STAG2: variants seen among roughly 807,000 people sequenced by gnomAD.
The protein encoded by STAG2 is cohesin subunit SA-2.
STAG2 carries 14 observed loss-of-function variants against 108.1 expected under a neutral mutation model. The observed-to-expected ratio is 0.13, with a 90% CI of 0.09 to 0.20. The LOEUF (loss-of-function observed/expected upper bound fraction) is 0.20, where lower values mean the gene tolerates loss of function less well. Ranked by LOEUF, STAG2 falls within the 10% of genes least tolerant of loss-of-function variation. The pLI is 1.00. For synonymous variants in STAG2, 307 were observed against 302.7 expected (o/e 1.01, Z -0.15); for missense variants, 440 against 940.9 (o/e 0.47, Z 6.96).
intron 14 of STAG2, 108 bp downstream of exon 14, chrX:124,056,343 TTAC>T (rs1210870552): frequency 5.3e-6 from 2 of 376,660 alleles, no homozygotes; most frequent in African/African-American, 5.3e-5. Context: ...ATTTTAAAAA[TTAC>T]TACAGATCAT....
At chrX:124,073,698 C>T (rs995593781) in intron 25 of STAG2, among the ~76,000 whole-genome samples, 2 of 111,402 alleles carry the variant, frequency 1.8e-5, no homozygotes, top group African/African-American at 6.5e-5. Context: ...GCTGGGATTA[C>T]AGATGTGAGC....
intron 1 of STAG2, among the ~76,000 whole-genome samples, chrX:123,986,117 CTA>C (rs766736654): frequency 9.7e-6 from 1 of 103,611 alleles, no homozygotes; most frequent in African/African-American, 3.5e-5. Context: ...ATGCATGTAT[CTA>C]TATATACATA....
In STAG2 at chrX:124,045,442, G is replaced by A. The variant is rs974513041; in HGVS notation, c.667+74G>A. 7 of 898,414 alleles carry A rather than the reference G, an allele frequency of 7.8e-6. No individual in the cohort carries two copies. In the African/African-American group the frequency reaches 1.4e-4, roughly 18 times the overall value. 74.0% of individuals were successfully genotyped at this position (898,414 alleles called of 1,213,427 possible). ...AAAAGATTCTCATTTAAAGAGAAAG[G>A]AAATAACAGAGATACAAATTAATTT... On this transcript the variant is annotated intron_variant, in intron 8 of 34. Coordinates refer to ENST00000371145, the MANE Select transcript of STAG2 (RefSeq NM_001042750.2).
chrX:124,053,506 T>C (rs2058102468), intron 13 of STAG2, among the ~76,000 whole-genome samples: 1 of 111,206 alleles, frequency 9.0e-6, no homozygotes, highest in Non-Finnish European at 1.9e-5. Context: ...TATGGAAAAT[T>C]TATCATGTAA....
intron 1 of STAG2, among the ~76,000 whole-genome samples, chrX:123,993,059 C>T (rs899724690): frequency 4.8e-4 from 53 of 111,310 alleles, no homozygotes; most frequent in African/African-American, 1.6e-3. Flanking sequence ...AATATAAGTG[C>T]CTAAAAATGA....
chrX:124,066,009 G>A, intron 21 of STAG2, 63 bp downstream of exon 21: 1 of 1,029,493 alleles, frequency 9.7e-7, no homozygotes, highest in Non-Finnish European at 1.3e-6. Context: ...CATGTTTTGT[G>A]GGTTATGTTA....
chrX:124,067,475 C>T (rs2058566302), intron 23 of STAG2, among the ~76,000 whole-genome samples: 1 of 110,600 alleles, frequency 9.0e-6, no homozygotes, highest in Non-Finnish European at 1.9e-5. Flanking sequence ...ACCATGTTGA[C>T]CAGGCTTGTG....
At chrX:124,003,262 C>T (rs774112352) in intron 1 of STAG2, among the ~76,000 whole-genome samples, 38 of 110,737 alleles carry the variant, frequency 3.4e-4, no homozygotes, top group African/African-American at 1.2e-3. Context: ...CCACCGAGTC[C>T]AGCCCACACC....
At position 124,037,521 on chromosome X, in the gene STAG2, C is replaced by T; in HGVS notation, c.289-6C>T. The T allele has an allele frequency of 1.8e-6, 2 of 1,137,228 alleles. No individual in the cohort carries two copies. The highest frequency in any genetic ancestry group is 2.4e-6 in the Non-Finnish European group (2 of 848,697). The allele number at this position is 1,137,228 out of a possible 1,213,427, so 93.7% of individuals were successfully genotyped here. ...TAATGATTTTATTTTTTTCCCTCTG[C>T]TGTAGTCGGTGGTAGATGATTGGAT... On this transcript the variant is annotated splice_polypyrimidine_tract_variant and splice_region_variant and intron_variant, in intron 5 of 34. Transcript: ENST00000371145.
At chrX:124,015,937 A>C (rs1051022050) in intron 1 of STAG2, among the ~76,000 whole-genome samples, 1 of 111,493 alleles carries the variant, frequency 9.0e-6, no homozygotes, top group Non-Finnish European at 1.9e-5. Flanking sequence ...CAATAAAAGG[A>C]ACATACCTTT....
At chrX:124,098,561 G>C (rs557449638) in intron 34 of STAG2, among the ~76,000 whole-genome samples, 3 of 110,870 alleles carry the variant, frequency 2.7e-5, no homozygotes, top group African/African-American at 6.5e-5. Flanking sequence ...AGCAAAATTG[G>C]GATTTAAATT....
At chrX:124,067,279 A>T (rs761484443) in intron 23 of STAG2, among the ~76,000 whole-genome samples, 1 of 13,948 alleles carries the variant, frequency 7.2e-5, no homozygotes. Flanking sequence ...CCCCACCCCC[A>T]CCACCTTCTG....
chrX:124,021,267 T>C (rs970115615), intron 1 of STAG2, 100 bp from the exon 2 acceptor site: 3 of 112,176 alleles, frequency 2.7e-5, no homozygotes, highest in Admixed American at 9.5e-5. Context: ...TTGTGTGATA[T>C]CTAACCTACT....
At chrX:123,993,263 C>T (rs866965043) in intron 1 of STAG2, among the ~76,000 whole-genome samples, 2 of 110,725 alleles carry the variant, frequency 1.8e-5, no homozygotes, top group African/African-American at 6.6e-5. Flanking sequence ...GCCTGGGCAA[C>T]TTGGTGAGAC....
chrX:123,992,427 C>CT (rs1334321276), intron 1 of STAG2, among the ~76,000 whole-genome samples: 20 of 109,727 alleles, frequency 1.8e-4, no homozygotes, highest in Non-Finnish European at 2.5e-4. Flanking sequence ...TTAAATTTTA[C>CT]TTTTTTTTTA....
At position 124,045,269 on chromosome X, in the gene STAG2, A is replaced by G; in HGVS notation, c.568A>G (p.Ile190Val). 2 of 1,209,042 alleles carry G rather than the reference A, an allele frequency of 1.7e-6. No homozygotes were observed. Among genetic ancestry groups the G allele is most frequent in the Non-Finnish European group, 2.2e-6 (2 of 893,493 alleles). ...GVLVRQCQYS[I>V]IYDEYMMDTV... Reference sequence around the variant, plus strand: ...GTTAGTACGGCAATGTCAATATAGTATCATATATGATGAGTATATGATGGA... The same window carrying G: ...GTTAGTACGGCAATGTCAATATAGTGTCATATATGATGAGTATATGATGGA... Residue 190 changes from isoleucine (I) to valine (V), a missense_variant, in exon 8 of 35, where the codon ATC becomes GTC. Physicochemically the swap from Ile to Val is conservative, Grantham distance 29. Coordinates refer to ENST00000371145, the MANE Select transcript of STAG2 (RefSeq NM_001042750.2).
At chrX:123,996,923 G>A in intron 1 of STAG2, among the ~76,000 whole-genome samples, 1 of 112,281 alleles carries the variant, frequency 8.9e-6, no homozygotes, top group Non-Finnish European at 1.9e-5. Flanking sequence ...TTTGCATATG[G>A]TACAAGGTAT....
chrX:123,979,737 T>G lies in STAG2; in HGVS notation c.-163+17881T>G, dbSNP rs750730248. On this transcript the variant is annotated intron_variant, in intron 1 of 34. Coordinates refer to ENST00000371145, the MANE Select transcript of STAG2 (RefSeq NM_001042750.2). ...GTACAGGTCTCTTAAAGCTGCTGCTTCTTACTTAACTTGCAACCCCTCATT... is the reference window on the plus strand; with the variant it reads ...GTACAGGTCTCTTAAAGCTGCTGCTGCTTACTTAACTTGCAACCCCTCATT... 4.5e-5 allele frequency among the ~76,000 whole-genome samples: 5 copies of G among 111,365 alleles called. No individual in the cohort carries two copies. The East Asian group carries it at 1.1e-3, about 25-fold the overall frequency.
intron 1 of STAG2, among the ~76,000 whole-genome samples, chrX:124,016,164 C>T (rs766215739): frequency 9.1e-6 from 1 of 109,711 alleles, no homozygotes; most frequent in Non-Finnish European, 1.9e-5. Context: ...CTCCTGAGGA[C>T]AGTCTCACTC....
Sources: gnomAD v4.1 joint callset for allele counts (sites outside exome capture counted in the v4.1 genomes callset) on GRCh38, gnomAD v4.1.1 for gene constraint, MANE v1.5 for transcripts, NCBI Gene and HGNC (gene_info 2026-07-23, HGNC 2026-07-21) for gene names.